Variants in RAB43 observed in about 807,000 individuals in gnomAD.
RAB43 encodes the protein RAB43, member RAS oncogene family, also known as ras-related protein Rab-43.
Under a neutral mutation model 18.8 loss-of-function variants are expected in RAB43, and 6 were observed. The ratio of observed to expected loss-of-function variants is 0.32; its 90% confidence interval spans 0.17 to 0.63. The LOEUF is 0.63. Ranked by LOEUF, RAB43 falls within the 30% of genes least tolerant of loss-of-function variation. The pLI, the probability that RAB43 is intolerant of heterozygous loss-of-function variation, is 0.79. For missense variants in RAB43, 195 were observed against 289.1 expected (o/e 0.67, Z 2.36); for synonymous variants, 103 against 124.1 (o/e 0.83, Z 1.13).
At chr3:129,105,020 C>T (rs1462781899) in intron 1 of RAB43, among the ~76,000 whole-genome samples, 1 of 152,160 alleles carries the variant, frequency 6.6e-6, no homozygotes, top group Non-Finnish European at 1.5e-5. Context: ...ATGGGTTATC[C>T]ATCTAAGTCA....
At chr3:129,093,855 A>C (rs925198552) in intron 2 of RAB43, among the ~76,000 whole-genome samples, 1 of 151,926 alleles carries the variant, frequency 6.6e-6, no homozygotes, top group Admixed American at 6.6e-5. Flanking sequence ...AGGGAGACAG[A>C]GGTTGCAGTG....
At position 129,121,643 on chromosome 3, in the gene RAB43, T is replaced by TGCCTCG. The variant is rs1224097460; in HGVS notation, c.-160_-155dup. On this transcript the variant is annotated 5_prime_UTR_variant, in exon 1 of 3. Coordinates refer to ENST00000315150, the MANE Select transcript of RAB43 (RefSeq NM_198490.3). ...TGAACCCCCAGCACTGCCGACCGCC[T>TGCCTCG]GCCTCGGCCTCGGCCCCGCCCCACC... is the stretch of plus-strand genomic sequence containing the variant. The TGCCTCG allele has an allele frequency of 1.9e-6, 1 of 528,992 alleles. No individual in the cohort carries two copies. Among genetic ancestry groups the TGCCTCG allele is most frequent in the South Asian group, 3.4e-5 (1 of 29,828 alleles). The allele number at this position is 528,992 out of a possible 1,614,324, so 32.8% of individuals were successfully genotyped here. A position where few individuals can be genotyped will look rare whatever the true frequency, so the allele number is the denominator to read the frequency against.
intron 1 of RAB43, among the ~76,000 whole-genome samples, chr3:129,104,619 A>G (rs1278320486): frequency 6.6e-6 from 1 of 152,244 alleles, no homozygotes; most frequent in Non-Finnish European, 1.5e-5. Context: ...CAAGGGTTTC[A>G]GTCCTGGGCT....
In RAB43 at chr3:129,095,251, C is replaced by T. The variant is rs1933964774; in HGVS notation, c.205-82G>A. The T allele has an allele frequency of 6.6e-7, 1 of 1,514,430 alleles. No homozygotes were observed. Among genetic ancestry groups the T allele is most frequent in the Non-Finnish European group, 8.9e-7 (1 of 1,127,222 alleles). The allele number at this position is 1,514,430 out of a possible 1,614,324, so 93.8% of individuals were successfully genotyped here. A position where few individuals can be genotyped will look rare whatever the true frequency, so the allele number is the denominator to read the frequency against. On this transcript the variant is annotated intron_variant, in intron 1 of 2. Transcript: ENST00000315150. The surrounding 1 kb of genome is among the most constrained non-coding windows in gnomAD (Gnocchi z 4.2). ...GCAGAGTGACCCCACAGACCCACAC[C>T]CAGAGCTGTGGTTCCACTGGGCTAG...
intron 1 of RAB43, among the ~76,000 whole-genome samples, chr3:129,111,269 C>T (rs551133035): frequency 1.1e-3 from 160 of 152,164 alleles, no homozygotes; most frequent in African/African-American, 3.3e-3. Context: ...AATCCCAACA[C>T]TTTGGGAGGC....
In RAB43 at chr3:129,121,687, G is replaced by T; in HGVS notation, c.-198C>A. 1 of 290,472 alleles carries T rather than the reference G, an allele frequency of 3.4e-6. No individual in the cohort carries two copies. Among genetic ancestry groups the T allele is most frequent in the East Asian group, 5.0e-5 (1 of 19,840 alleles). The allele number at this position is 290,472 out of a possible 1,614,324, so 18.0% of individuals were successfully genotyped here. A position where few individuals can be genotyped will look rare whatever the true frequency, so the allele number is the denominator to read the frequency against. ...CCCCACCCCGGCTGGCTCCCGCCCC[G>T]GCCCGGCTCGGCCCCGCCCGGACCC... On this transcript the variant is annotated 5_prime_UTR_variant, in exon 1 of 3. Coordinates refer to ENST00000315150, the MANE Select transcript of RAB43 (RefSeq NM_198490.3).
intron 1 of RAB43, among the ~76,000 whole-genome samples, chr3:129,100,429 G>A (rs1200872663): frequency 2.0e-5 from 3 of 152,196 alleles, no homozygotes; most frequent in African/African-American, 7.2e-5. Context: ...TATTTCAAAA[G>A]AAGAGGTGGA....
intron 1 of RAB43, among the ~76,000 whole-genome samples, chr3:129,116,180 T>C (rs1011328525): frequency 6.6e-6 from 1 of 152,246 alleles, no homozygotes; most frequent in Non-Finnish European, 1.5e-5. Context: ...CAGTACCATC[T>C]GAAGTTTCAG....
At chr3:129,108,009 C>T (rs563542213) in intron 1 of RAB43, among the ~76,000 whole-genome samples, 2 of 152,328 alleles carry the variant, frequency 1.3e-5, no homozygotes, top group East Asian at 1.9e-4. Flanking sequence ...GGCTGGCCCT[C>T]GTATTTGCCA....
At chr3:129,093,480 C>T (rs1466996805) in intron 2 of RAB43, among the ~76,000 whole-genome samples, 4 of 152,056 alleles carry the variant, frequency 2.6e-5, no homozygotes, top group Non-Finnish European at 4.4e-5. Flanking sequence ...TGTGGTGGTG[C>T]GTGCCTGTAG....
intron 1 of RAB43, among the ~76,000 whole-genome samples, chr3:129,114,032 G>A (rs781353870): frequency 1.2e-4 from 18 of 150,740 alleles, no homozygotes; most frequent in Admixed American, 1.1e-3. Context: ...ACTCCGTCTC[G>A]AAAGAAAAAA....
chr3:129,110,299 A>G (rs1279482887), intron 1 of RAB43, among the ~76,000 whole-genome samples: 1 of 152,226 alleles, frequency 6.6e-6, no homozygotes, highest in Non-Finnish European at 1.5e-5. Context: ...AAGCAAGCCA[A>G]GAGGTAGCTG....
intron 2 of RAB43, among the ~76,000 whole-genome samples, chr3:129,093,399 C>G (rs1354665825): frequency 6.6e-6 from 1 of 152,140 alleles, no homozygotes; most frequent in African/African-American, 2.4e-5. Context: ...ATCACGAGGT[C>G]AGGAGATCGA....
At chr3:129,101,696 G>A (rs542480151) in intron 1 of RAB43, among the ~76,000 whole-genome samples, 22 of 152,330 alleles carry the variant, frequency 1.4e-4, no homozygotes, top group Non-Finnish European at 2.5e-4. Context: ...CCAGATGGCC[G>A]TGAAGAAGGA....
At chr3:129,093,060 G>A (rs897279570) in intron 2 of RAB43, among the ~76,000 whole-genome samples, 1 of 151,798 alleles carries the variant, frequency 6.6e-6, no homozygotes, top group African/African-American at 2.4e-5. Context: ...GCACGATCTC[G>A]GCTCACTACA....
At chr3:129,109,387 G>T (rs1016703469) in intron 1 of RAB43, among the ~76,000 whole-genome samples, 32 of 150,418 alleles carry the variant, frequency 2.1e-4, no homozygotes, top group Non-Finnish European at 3.5e-4. Flanking sequence ...TCCAGCCTGG[G>T]CGACAGAGCG....
Position 129,121,432 on chromosome 3 carries a change from T to C in RAB43, c.58A>G (p.Lys20Glu). The C allele has an allele frequency of 6.2e-7, 1 of 1,613,234 alleles. No homozygotes were observed. Among genetic ancestry groups the C allele is most frequent in the Non-Finnish European group, 8.5e-7 (1 of 1,179,662 alleles). The stretch of plus-strand genomic sequence containing the variant: ...CTTGCGTCGCCCACCAGCACCAGCT[T>C]GAACAGGAAATCGTACTGCTCGTCC... ...DPDEQYDFLF[K>E]LVLVGDASVG... The change falls in exon 1 of 3, where the codon AAG becomes GAG. Residue 20 changes from lysine (K) to glutamate (E), a missense_variant. Coordinates refer to ENST00000315150, the MANE Select transcript of RAB43 (RefSeq NM_198490.3).
rs2170536 is a variant in RAB43 at position 129,092,605 on chromosome 3, T to G, written c.389-1259A>C. ...GCAGGACTGCATCTCTAAAAATATA[T>G]GTATGTATATAAGTATGCATAAATA... On this transcript the variant is annotated intron_variant, in intron 2 of 2. Transcript: ENST00000315150. 2,787 of 659,966 alleles carry G rather than the reference T, an allele frequency of 4.2e-3. 16 individuals are homozygous for G. The highest frequency in any genetic ancestry group is 0.02 in the African/African-American group (1,134 of 55,322). The allele number at this position is 659,966 out of a possible 1,614,324, so 40.9% of individuals were successfully genotyped here.
At chr3:129,093,880 G>A (rs1371338019) in intron 2 of RAB43, among the ~76,000 whole-genome samples, 6 of 151,584 alleles carry the variant, frequency 4.0e-5, no homozygotes, top group Non-Finnish European at 8.8e-5. Flanking sequence ...TGCAGATCTT[G>A]CAGAACCAAG....
Sources: gnomAD v4.1 joint callset for allele counts (sites outside exome capture counted in the v4.1 genomes callset) on GRCh38, gnomAD v4.1.1 for gene constraint, Gnocchi (gnomAD v3.1) non-coding constraint, MANE v1.5 for transcripts, NCBI Gene and HGNC (gene_info 2026-07-23, HGNC 2026-07-21) for gene names.